The following DDX56 variants were observed in gnomAD, a reference collection of about 807,000 sequenced individuals.
DDX56 encodes the protein probable ATP-dependent RNA helicase DDX56.
A neutral mutation model predicts 61.5 loss-of-function variants in DDX56; 45 were observed. The observed-to-expected ratio is 0.73, with a 90% CI of 0.58 to 0.94. The LOEUF is 0.94. DDX56 is among the 40% of genes least tolerant of loss of function. The probability of loss-of-function intolerance (pLI) is 0.00; values close to 1 mark genes in which losing one functional copy is unlikely to be tolerated. For missense variants in DDX56, 708 were observed against 690.7 expected (o/e 1.02, Z -0.28); for synonymous variants, 273 against 268.3 (o/e 1.02, Z -0.17).
chr7:44,568,829 A>T, intron 11 of DDX56, 74 bp downstream of exon 11: 1 of 1,273,814 alleles, frequency 7.9e-7, no homozygotes, highest in Non-Finnish European at 1.1e-6. Context: ...GCTTCTCACC[A>T]CTCGGAGCTC....
At chr7:44,571,935 A>G (rs111620045) in intron 5 of DDX56, among the ~76,000 whole-genome samples, 199 bp from the exon 6 acceptor site, 229 of 152,360 alleles carry the variant, frequency 1.5e-3, no homozygotes, top group African/African-American at 4.5e-3. Context: ...AGTATACCAT[A>G]TAAACCATAT....
intron 13 of DDX56, 184 bp from the exon 14 acceptor site, chr7:44,566,263 C>A: frequency 2.8e-6 from 2 of 703,868 alleles, no homozygotes; most frequent in South Asian, 1.7e-5. Flanking sequence ...GGCCTGCAGG[C>A]GGCTGCAAAA....
intron 2 of DDX56, 114 bp from the exon 3 acceptor site, chr7:44,573,164 T>G (rs1297511159): frequency 7.6e-6 from 7 of 925,546 alleles, no homozygotes; most frequent in Non-Finnish European, 9.5e-6. Flanking sequence ...TAGCAGTACT[T>G]TGATCATCTA....
In DDX56 at chr7:44,573,878, T is replaced by G. The variant is rs750275098; in HGVS notation, c.18A>C (p.Ala6=). 6.2e-6 allele frequency: 10 copies of G among 1,613,124 alleles called. No individual in the cohort carries two copies. Among genetic ancestry groups the G allele is most frequent in the Non-Finnish European group, 6.8e-6 (8 of 1,180,004 alleles). Residue 6 remains alanine, a synonymous_variant, in exon 1 of 14, where the codon GCA becomes GCC. Coordinates refer to ENST00000258772, the MANE Select transcript of DDX56 (RefSeq NM_019082.4). ...CGAGGCCCATGTGTTCGAAGCCCAGTGCTTCAGAGTCCTCCATGGCGCTGC... is the reference window on the plus strand; with the variant it reads ...CGAGGCCCATGTGTTCGAAGCCCAGGGCTTCAGAGTCCTCCATGGCGCTGC... MEDSE[A]LGFEHMGLDP...
intron 11 of DDX56, 33 bp downstream of exon 11, chr7:44,568,870 G>A: frequency 6.4e-7 from 1 of 1,569,844 alleles, no homozygotes; most frequent in South Asian, 1.1e-5. Context: ...AGCCGTCTAA[G>A]ATCTATCCCC....
At chr7:44,570,229 A>T in intron 7 of DDX56, 101 bp from the exon 8 acceptor site, 4 of 1,423,462 alleles carry the variant, frequency 2.8e-6, no homozygotes, top group Non-Finnish European at 3.8e-6. Flanking sequence ...GTAGATCATA[A>T]GACCCTGACA....
intron 7 of DDX56, 60 bp from the exon 8 acceptor site, chr7:44,570,188 G>C (rs946542096): frequency 6.3e-7 from 1 of 1,581,274 alleles, no homozygotes; most frequent in Non-Finnish European, 8.6e-7. Flanking sequence ...GTATTCACAC[G>C]CTGAATCAGC....
At chr7:44,573,525 C>A in intron 2 of DDX56, 58 bp downstream of exon 2, 1 of 1,588,264 alleles carries the variant, frequency 6.3e-7, no homozygotes. Context: ...ACGGGAACCG[C>A]CCTTCCCAGG....
rs376592620 is a variant in DDX56 at position 44,573,829 on chromosome 7, C to T, written c.60+7G>A. The T allele has an allele frequency of 2.5e-6, 4 of 1,613,362 alleles. No individual in the cohort carries two copies. In the South Asian group the frequency reaches 3.3e-5, roughly 13 times the overall value. On this transcript the variant is annotated splice_region_variant and intron_variant, in intron 1 of 13. Coordinates refer to ENST00000258772, the MANE Select transcript of DDX56 (RefSeq NM_019082.4). The stretch of plus-strand genomic sequence containing the variant: ...CCGTAAGCCGGCTCCCCAGCCCTCG[C>T]GTGTACCTGAAGGAGCCGGGGATCG...
chr7:44,569,868 G>A lies in DDX56; in HGVS notation c.1160C>T (p.Thr387Ile), dbSNP rs747514475. The change falls in exon 9 of 14, where the codon ACC (threonine) becomes ATC (isoleucine). Residue 387 changes from threonine (T) to isoleucine (I), a missense_variant. Thr to Ile is a moderately conservative substitution (Grantham distance 89, BLOSUM62 -1). Coordinates refer to ENST00000258772, the MANE Select transcript of DDX56 (RefSeq NM_019082.4). ...ARANNPGIVL[T>I]FVLPTEQFHL... is the part of the protein sequence containing the mutation. The stretch of plus-strand genomic sequence containing the variant: ...GAACTGCTCCGTGGGAAGCACAAAG[G>A]TTAAGACTATGCCTGGGTTGTTAGC... The A allele has an allele frequency of 9.3e-6, 15 of 1,611,254 alleles. 1 individual carries two copies. The East Asian group carries it at 1.3e-4, about 14-fold the overall frequency.
At chr7:44,566,850 G>T (rs1040303406) in intron 12 of DDX56, among the ~76,000 whole-genome samples, 3 of 152,062 alleles carry the variant, frequency 2.0e-5, no homozygotes, top group African/African-American at 4.8e-5. Context: ...TACCGATACA[G>T]GGGGCCCCGC....
Position 44,569,181 on chromosome 7 carries a change from G to A in DDX56, c.1242C>T (p.Leu414=). ...LSGENRGPIL[L]PYQFRMEEIE... is the part of the protein sequence containing the mutation. ...TCTCCTCCATCCGGAACTGGTAGGG[G>A]AGCAGAATGGGGCCCCTGTTCTCTG... The change falls in exon 10 of 14, where the codon CTC becomes CTT. Residue 414 remains leucine, a synonymous_variant. Transcript: ENST00000258772. The A allele has an allele frequency of 1.2e-6, 2 of 1,614,016 alleles. No homozygotes were observed. The highest frequency in any genetic ancestry group is 1.3e-5 in the African/African-American group (1 of 75,064).
At position 44,572,655 on chromosome 7, in the gene DDX56, T is replaced by C; in HGVS notation, c.473A>G (p.Asp158Gly). The change falls in exon 4 of 14, where the codon GAC becomes GGC. Residue 158 changes from aspartate (D) to glycine (G), a missense_variant. Asp to Gly is a moderately conservative substitution (Grantham distance 94, BLOSUM62 -1). Transcript: ENST00000258772. Reference sequence around the variant, plus strand: ...GTCCACCACCAAAAGCTCCAGGGAGTCACGAAGTTTCAGGCTGTCTTGCTG... The same window carrying C: ...GTCCACCACCAAAAGCTCCAGGGAGCCACGAAGTTTCAGGCTGTCTTGCTG... ...HLQQDSLKLRDSLELLVVDEA... is the reference protein window; with the variant it reads ...HLQQDSLKLRGSLELLVVDEA... 6.2e-7 allele frequency: 1 copy of C among 1,613,454 alleles called. No homozygotes were observed.
chr7:44,570,555 G>A (rs375415652), intron 7 of DDX56, among the ~76,000 whole-genome samples: 1 of 152,202 alleles, frequency 6.6e-6, no homozygotes, highest in Admixed American at 6.5e-5. Context: ...TTTGCCCTTC[G>A]TGGTGCATGT....
chr7:44,573,690 G>C lies in DDX56; in HGVS notation c.115C>G (p.Pro39Ala). ...RPTLIQEKAI[P>A]LALEGKDLLA... Reference sequence around the variant, plus strand: ...AGGTCCTTCCCTTCTAGGGCCAGTGGGATGGCCTTCTCCTGGATCAGCGTA... The same window carrying C: ...AGGTCCTTCCCTTCTAGGGCCAGTGCGATGGCCTTCTCCTGGATCAGCGTA... The change falls in exon 2 of 14, where the codon CCA becomes GCA. Residue 39 changes from proline to alanine, a missense_variant. Pro to Ala is a conservative substitution (Grantham distance 27). Transcript: ENST00000258772. 6.2e-7 allele frequency: 1 copy of C among 1,613,794 alleles called. No individual in the cohort carries two copies. The highest frequency in any genetic ancestry group is 8.5e-7 in the Non-Finnish European group (1 of 1,180,044).
At chr7:44,568,319 A>G in intron 11 of DDX56, 96 bp from the exon 12 acceptor site, 2 of 867,840 alleles carry the variant, frequency 2.3e-6, no homozygotes, top group Non-Finnish European at 1.8e-6. Flanking sequence ...ATGTGTTTCA[A>G]AAGGCATGAG....
In DDX56 at chr7:44,568,161, G is replaced by A. The variant is rs780743835; in HGVS notation, c.1446C>T (p.Pro482=). 2.5e-5 allele frequency: 40 copies of A among 1,613,986 alleles called. No homozygotes were observed. Among genetic ancestry groups the A allele is most frequent in the South Asian group, 7.7e-5 (7 of 91,088 alleles). Residue 482 remains proline, a synonymous_variant, in exon 12 of 14, where the codon CCC becomes CCT. Transcript: ENST00000258772. Reference sequence around the variant, plus strand: ...GGCCCAGGTGGGGCTTCACCACTGCGGGGTGCAAAGGTAGGTCATGCCGCA... The same window carrying A: ...GGCCCAGGTGGGGCTTCACCACTGCAGGGTGCAAAGGTAGGTCATGCCGCA... The part of the protein sequence containing the change: ...QLLRHDLPLH[P]AVVKPHLGHV...
rs1029772292 is a variant in DDX56, at chr7:44,569,176, T to C, written c.1247A>G (p.Tyr416Cys). Reference protein sequence around the residue: ...GENRGPILLPYQFRMEEIEGF... With the variant: ...GENRGPILLPCQFRMEEIEGF... The stretch of plus-strand genomic sequence containing the variant: ...CTCGATCTCCTCCATCCGGAACTGG[T>C]AGGGGAGCAGAATGGGGCCCCTGTT... Residue 416 changes from tyrosine to cysteine, a missense_variant, in exon 10 of 14, where the codon TAC (tyrosine) becomes TGC (cysteine). Coordinates refer to ENST00000258772, the MANE Select transcript of DDX56 (RefSeq NM_019082.4). 6.2e-7 allele frequency: 1 copy of C among 1,613,916 alleles called. No individual in the cohort carries two copies. The highest frequency in any genetic ancestry group is 8.5e-7 in the Non-Finnish European group (1 of 1,179,988).
At position 44,571,668 on chromosome 7, in the gene DDX56, A is replaced by T. The variant is rs201691567; in HGVS notation, c.714T>A (p.Cys238Ter). Residue 238 changes from cysteine (C) to a stop codon, truncating the protein, a stop_gained, in exon 6 of 14, where the codon TGT (cysteine) becomes TGA (stop). Transcript: ENST00000258772. LOFTEE classifies it high-confidence loss of function. ...GGAGGAATTTGTCTTCCTCAGTCTC[A>T]CAGACCACCTGAAACTGCTGTAACT... Reference protein sequence around the residue: ...PDQLQQFQVVCETEEDKFLLL... With the variant: ...PDQLQQFQVV The T allele has an allele frequency of 3.7e-6, 6 of 1,614,162 alleles. No homozygotes were observed. The East Asian group carries it at 1.3e-4, about 36-fold the overall frequency.
Sources: allele counts gnomAD v4.1 joint callset (sites outside exome capture counted in the v4.1 genomes callset), GRCh38; gene constraint gnomAD v4.1.1; transcripts MANE v1.5; gene names NCBI Gene and HGNC (gene_info 2026-07-23, HGNC 2026-07-21).